The following ANKRD17 variants were observed in gnomAD, a reference collection of about 807,000 sequenced individuals.
The protein encoded by ANKRD17 is ankyrin repeat domain 17, also known as ankyrin repeat domain-containing protein 17.
ANKRD17 carries 19 observed loss-of-function variants against 229.7 expected under a neutral mutation model. That is an observed-to-expected ratio of 0.08 (90% CI 0.06 to 0.12). The LOEUF (loss-of-function observed/expected upper bound fraction) is 0.12. Among genes scored for constraint, ANKRD17 ranks in the 10% least tolerant of loss-of-function variants. ANKRD17 has a pLI of 1.00. For synonymous variants in ANKRD17, 1,112 were observed against 1,146.1 expected, an observed-to-expected ratio of 0.97 and a Z score of 0.60; for missense variants, 2,176 against 3,176.8, an observed-to-expected ratio of 0.68 and a Z score of 7.57.
At chr4:73,218,606 G>A (rs1741416008) in intron 1 of ANKRD17, among the ~76,000 whole-genome samples, 1 of 140,618 alleles carries the variant, frequency 7.1e-6, no homozygotes, top group African/African-American at 2.7e-5. Flanking sequence ...TCATGCCACT[G>A]CACTCTAGCC....
chr4:73,121,270 T>C, intron 19 of ANKRD17, 176 bp from the exon 20 acceptor site: 1 of 644,954 alleles, frequency 1.6e-6, no homozygotes, highest in Non-Finnish European at 2.6e-6. Flanking sequence ...TAGAAATGTT[T>C]TATTAGAATA....
intron 15 of ANKRD17, 82 bp downstream of exon 15, chr4:73,139,449 G>A: frequency 6.7e-7 from 1 of 1,502,448 alleles, no homozygotes; most frequent in Non-Finnish European, 8.9e-7. Context: ...CTCAAGTTGG[G>A]TAACGGCAAA....
chr4:73,118,862 T>C lies in ANKRD17; in HGVS notation c.4026-12A>G, dbSNP rs1203768737. 12 of 1,448,530 alleles carry C rather than the reference T, an allele frequency of 8.3e-6. No homozygotes were observed. The highest frequency in any genetic ancestry group is 1.1e-5 in the Non-Finnish European group (12 of 1,044,390). The allele number at this position is 1,448,530 out of a possible 1,614,324, so 89.7% of individuals were successfully genotyped here. ...CAATATGAGCTCCCCTAAAAACCAATGACACAGATAGCATTGTCTTTTTTT... is the reference window on the plus strand; with the variant it reads ...CAATATGAGCTCCCCTAAAAACCAACGACACAGATAGCATTGTCTTTTTTT... On this transcript the variant is annotated splice_polypyrimidine_tract_variant and intron_variant, in intron 21 of 33. Coordinates refer to ENST00000358602, the MANE Select transcript of ANKRD17 (RefSeq NM_032217.5).
intron 25 of ANKRD17, among the ~76,000 whole-genome samples, chr4:73,100,158 G>A (rs972440325): frequency 1.3e-5 from 2 of 152,112 alleles, no homozygotes; most frequent in African/African-American, 4.8e-5. Flanking sequence ...TATTGCTGCC[G>A]CTACCAGCAC....
At chr4:73,179,528 T>A (rs1437144898) in intron 1 of ANKRD17, among the ~76,000 whole-genome samples, 1 of 128,450 alleles carries the variant, frequency 7.8e-6, no homozygotes. Context: ...ATTTTTTTTT[T>A]TTTTTTTAAA....
At chr4:73,099,475 T>G (rs1723699899) in intron 25 of ANKRD17, among the ~76,000 whole-genome samples, 1 of 152,154 alleles carries the variant, frequency 6.6e-6, no homozygotes, top group African/African-American at 2.4e-5. Context: ...CCCACTCCCT[T>G]AGTAGTAGCA....
At position 73,139,556 on chromosome 4, in the gene ANKRD17, A is replaced by G. The variant is rs759472726; in HGVS notation, c.3060T>C (p.Asn1020=). 2.5e-6 allele frequency: 4 copies of G among 1,613,818 alleles called. No homozygotes were observed. The highest frequency in any genetic ancestry group is 3.4e-6 in the Non-Finnish European group (4 of 1,179,798). ...CTGCCATGATGTCATCCAGCGTGTCATTGAGGGTCTGAGCAGGGCTGGCTA... is the reference window on the plus strand; with the variant it reads ...CTGCCATGATGTCATCCAGCGTGTCGTTGAGGGTCTGAGCAGGGCTGGCTA... ...LMVASPAQTL[N]DTLDDIMAAV... The change falls in exon 15 of 34, where the codon AAT becomes AAC. Residue 1020 remains asparagine, a synonymous_variant. Transcript: ENST00000358602.
In ANKRD17 at chr4:73,258,274, G is replaced by A. The variant is rs779329170; in HGVS notation, c.393+2C>T. 6.2e-7 allele frequency: 1 copy of A among 1,613,600 alleles called. No individual in the cohort carries two copies. Among genetic ancestry groups the A allele is most frequent in the Non-Finnish European group, 8.5e-7 (1 of 1,179,978 alleles). On this transcript the variant is annotated splice_donor_variant, in intron 1 of 33. Coordinates refer to ENST00000358602, the MANE Select transcript of ANKRD17 (RefSeq NM_032217.5). LOFTEE classifies it low-confidence loss of function (GC_TO_GT_DONOR). Reference sequence around the variant, plus strand: ...CTCCTTCCTTTGAAACCAGGCCCTTGCCTCAGAAACCTCCTCTTCCTCGTC... The same window carrying A: ...CTCCTTCCTTTGAAACCAGGCCCTTACCTCAGAAACCTCCTCTTCCTCGTC...
At chr4:73,196,234 G>C (rs186459710) in intron 1 of ANKRD17, among the ~76,000 whole-genome samples, 1 of 152,056 alleles carries the variant, frequency 6.6e-6, no homozygotes, top group African/African-American at 2.4e-5. Flanking sequence ...CTGACCTCAC[G>C]TGACCTGCCC....
chr4:73,147,190 T>A, intron 9 of ANKRD17, 51 bp downstream of exon 9: 1 of 1,460,154 alleles, frequency 6.8e-7, no homozygotes, highest in African/African-American at 1.4e-5. Flanking sequence ...TATGACATTT[T>A]TACTTAAACA....
At chr4:73,233,421 TAA>T (rs1169448854) in intron 1 of ANKRD17, among the ~76,000 whole-genome samples, 3 of 152,228 alleles carry the variant, frequency 2.0e-5, no homozygotes, top group African/African-American at 4.8e-5. Flanking sequence ...AGAAAATCAA[TAA>T]AGTGTACTTA....
chr4:73,192,666 A>G (rs1169219391), intron 1 of ANKRD17, among the ~76,000 whole-genome samples: 3 of 152,152 alleles, frequency 2.0e-5, no homozygotes, highest in African/African-American at 4.8e-5. Context: ...AACCATTTAC[A>G]TATTTCTAGA....
At chr4:73,145,017 C>A (rs1730074234) in intron 10 of ANKRD17, among the ~76,000 whole-genome samples, 185 bp from the exon 11 acceptor site, 1 of 152,008 alleles carries the variant, frequency 6.6e-6, no homozygotes, top group Admixed American at 6.6e-5. Flanking sequence ...TAAACATGTT[C>A]TATGGAAATA....
At position 73,140,210 on chromosome 4, in the gene ANKRD17, C is replaced by G; in HGVS notation, c.2406G>C (p.Gln802His). 6.2e-7 allele frequency: 1 copy of G among 1,613,782 alleles called. No homozygotes were observed. Among genetic ancestry groups the G allele is most frequent in the Non-Finnish European group, 8.5e-7 (1 of 1,179,982 alleles). ...SQDVQGYITN[Q>H]SPESIVEEAQ... is the part of the protein sequence containing the mutation. ...CCTCTTCTACAATGCTCTCTGGAGACTGATTGGTGATGTAACCCTGTACAT... is the reference window on the plus strand; with the variant it reads ...CCTCTTCTACAATGCTCTCTGGAGAGTGATTGGTGATGTAACCCTGTACAT... The change falls in exon 15 of 34, where the codon CAG (glutamine) becomes CAC (histidine). Residue 802 changes from glutamine to histidine, a missense_variant. This residue lies in a region of ANKRD17 where 275 missense variants were observed against 386.9 expected (regional missense o/e 0.71). Transcript: ENST00000358602.
chr4:73,114,423 C>T (rs1294929508), intron 23 of ANKRD17, among the ~76,000 whole-genome samples: 2 of 150,328 alleles, frequency 1.3e-5, no homozygotes, highest in Admixed American at 1.3e-4. Context: ...GACAGTAAAA[C>T]ACTACTTCCT....
At chr4:73,190,340 G>A (rs1342682231) in intron 1 of ANKRD17, among the ~76,000 whole-genome samples, 1 of 152,098 alleles carries the variant, frequency 6.6e-6, no homozygotes, top group African/African-American at 2.4e-5. Flanking sequence ...CTGCACCCCA[G>A]CCTGGGTGAT....
At chr4:73,247,826 A>G (rs777904960) in intron 1 of ANKRD17, among the ~76,000 whole-genome samples, 2 of 152,006 alleles carry the variant, frequency 1.3e-5, no homozygotes, top group African/African-American at 2.4e-5. Flanking sequence ...GCTCTTTGTG[A>G]TAATTTCACT....
chr4:73,142,433 T>C, intron 12 of ANKRD17, 48 bp from the exon 13 acceptor site: 11 of 1,580,940 alleles, frequency 7.0e-6, no homozygotes, highest in Non-Finnish European at 8.5e-6. Flanking sequence ...AAAAATAAGT[T>C]AGTTTACAGA....
Position 73,258,563 on chromosome 4 carries a change from C to A in ANKRD17, c.106G>T (p.Gly36Cys), listed in dbSNP as rs986156718. Residue 36 changes from glycine (G) to cysteine (C), a missense_variant, in exon 1 of 34, where the codon GGC (glycine) becomes TGC (cysteine). Coordinates refer to ENST00000358602, the MANE Select transcript of ANKRD17 (RefSeq NM_032217.5). ...CTGCTGCTGCCGCCAACGCCGCCGC[C>A]GACCTCCGCCGCCGCGGGGGGGCCC... ...VAGPPAAAEV[G>C]GGVGGSSRAR... 6.8e-7 allele frequency: 1 copy of A among 1,462,644 alleles called. No individual in the cohort carries two copies. Among genetic ancestry groups the A allele is most frequent in the Non-Finnish European group, 8.9e-7 (1 of 1,118,404 alleles). 90.6% of individuals were successfully genotyped at this position (1,462,644 alleles called of 1,614,324 possible). A position where few individuals can be genotyped will look rare whatever the true frequency, so the allele number is the denominator to read the frequency against.
Sources: allele counts gnomAD v4.1 joint callset (sites outside exome capture counted in the v4.1 genomes callset), GRCh38; gene constraint gnomAD v4.1.1; regional missense constraint gnomAD v4.1.1; transcripts MANE v1.5; gene names NCBI Gene and HGNC (gene_info 2026-07-23, HGNC 2026-07-21).